Variants in PREX2 observed in about 807,000 individuals in gnomAD.
PREX2 encodes the protein phosphatidylinositol 3,4,5-trisphosphate-dependent Rac exchanger 2 protein.
PREX2 carries 107 observed loss-of-function variants against 203.2 expected under a neutral mutation model. The ratio of observed to expected loss-of-function variants is 0.53; its 90% CI spans 0.45 to 0.62. The LOEUF (loss-of-function observed/expected upper bound fraction) is 0.62, where lower values mean the gene tolerates loss of function less well. PREX2 is among the 20% of genes least tolerant of loss of function. PREX2 has a pLI of 0.00. For missense variants in PREX2, 1,777 were observed against 1,955.9 expected, an observed-to-expected ratio of 0.91 and a Z score of 1.72; for synonymous variants, 672 against 663.6, an observed-to-expected ratio of 1.01 and a Z score of -0.19.
intron 8 of PREX2, 79 bp downstream of exon 8, chr8:68,044,669 T>G (rs1808297299): frequency 1.0e-5 from 10 of 983,996 alleles, no homozygotes; most frequent in Non-Finnish European, 1.5e-5. Flanking sequence ...CTCACTTGGA[T>G]AATTCACCTG....
chr8:68,156,313 C>A (rs73263334), intron 34 of PREX2, among the ~76,000 whole-genome samples: 2,646 of 152,232 alleles, frequency 0.017, 86 homozygotes, highest in African/African-American at 0.061. Flanking sequence ...GATCCACCAG[C>A]CTTGGCTCTC....
rs892656899 is a variant in PREX2, at chr8:68,164,557, C to CT, written c.4346+7129dup. On this transcript the variant is annotated intron_variant, in intron 35 of 39. Coordinates refer to ENST00000288368, the MANE Select transcript of PREX2 (RefSeq NM_024870.4). Reference sequence around the variant, plus strand: ...CCAAGAAAAACAGCTGGTGATCTGGCTTTTTTTTCTTTCTTTTTTTCTTTT... The same window carrying CT: ...CCAAGAAAAACAGCTGGTGATCTGGCTTTTTTTTTCTTTCTTTTTTTCTTTT... Among the ~76,000 whole-genome samples, 9 of 148,434 alleles carry CT rather than the reference C, an allele frequency of 6.1e-5. No homozygotes were observed. The East Asian group carries it at 1.0e-3, about 17-fold the overall frequency.
chr8:68,105,031 T>C, intron 23 of PREX2: 1 of 804,964 alleles, frequency 1.2e-6, no homozygotes, highest in Non-Finnish European at 1.8e-6. Context: ...TCCTTTGATG[T>C]TGCTAAAAAG....
At chr8:68,114,250 T>A in intron 25 of PREX2, 1 of 482,006 alleles carries the variant, frequency 2.1e-6, no homozygotes, top group Non-Finnish European at 4.2e-6. Context: ...ACTTAATAGG[T>A]ATTTATTCAA....
intron 39 of PREX2, among the ~76,000 whole-genome samples, chr8:68,225,741 T>C (rs1269785862): frequency 6.6e-6 from 1 of 152,222 alleles, no homozygotes; most frequent in East Asian, 1.9e-4. Context: ...GAAGTTTTGT[T>C]AATGTCGTCT....
intron 4 of PREX2, among the ~76,000 whole-genome samples, chr8:68,022,387 CGA>C (rs1291048461): frequency 6.6e-6 from 1 of 152,050 alleles, no homozygotes; most frequent in Admixed American, 6.6e-5. Context: ...AGGTTCCTAG[CGA>C]GAGAGGAGCT....
chr8:68,000,074 C>G (rs533509514), intron 1 of PREX2, among the ~76,000 whole-genome samples: 1 of 152,258 alleles, frequency 6.6e-6, no homozygotes, highest in East Asian at 1.9e-4. Context: ...GATGCCCTCT[C>G]TCACCACTCC....
intron 27 of PREX2, among the ~76,000 whole-genome samples, 190 bp from the exon 28 acceptor site, chr8:68,119,242 T>G (rs1007852017): frequency 6.6e-6 from 1 of 152,246 alleles, no homozygotes; most frequent in African/African-American, 2.4e-5. Flanking sequence ...GCACTCCGCC[T>G]TCAGAAGAAA....
intron 30 of PREX2, among the ~76,000 whole-genome samples, chr8:68,122,498 T>C (rs899050052): frequency 3.3e-5 from 5 of 152,082 alleles, no homozygotes; most frequent in South Asian, 2.1e-4. Context: ...TTTAAGTATA[T>C]ACTTTACTGA....
intron 13 of PREX2, 76 bp downstream of exon 13, chr8:68,069,960 C>T (rs1809148424): frequency 2.6e-6 from 2 of 761,444 alleles, no homozygotes; most frequent in Non-Finnish European, 4.3e-6. Flanking sequence ...ATTATTCAGC[C>T]AGAACTTGTT....
intron 11 of PREX2, among the ~76,000 whole-genome samples, chr8:68,064,539 GTTTTT>G (rs71554620): frequency 6.7e-6 from 1 of 149,382 alleles, no homozygotes; most frequent in Non-Finnish European, 1.5e-5. Context: ...CAGCTAATTT[GTTTTT>G]TTTTTTTTTA....
intron 10 of PREX2, among the ~76,000 whole-genome samples, chr8:68,057,102 TG>T (rs1274505363): frequency 6.6e-6 from 1 of 152,058 alleles, no homozygotes; most frequent in African/African-American, 2.4e-5. Flanking sequence ...TGGGAAGTGA[TG>T]GGATCATGGG....
intron 37 of PREX2, among the ~76,000 whole-genome samples, chr8:68,212,267 C>G (rs932989056): frequency 6.6e-6 from 1 of 152,204 alleles, no homozygotes; most frequent in African/African-American, 2.4e-5. Flanking sequence ...TTCGCTAGTA[C>G]CATTCCACTT....
At chr8:68,214,911 A>C (rs1554585991) in intron 37 of PREX2, among the ~76,000 whole-genome samples, 1 of 152,176 alleles carries the variant, frequency 6.6e-6, no homozygotes, top group Non-Finnish European at 1.5e-5. Context: ...TTTCAAATTA[A>C]TTTTGATTCC....
At chr8:68,111,450 A>G (rs115934340) in intron 25 of PREX2, among the ~76,000 whole-genome samples, 4,321 of 152,120 alleles carry the variant, frequency 0.028, 200 homozygotes, top group African/African-American at 0.098. Flanking sequence ...AAATATGTAA[A>G]CCCAAGGAGC....
chr8:68,084,939 A>G (rs1205691169), intron 18 of PREX2, among the ~76,000 whole-genome samples: 1 of 152,178 alleles, frequency 6.6e-6, no homozygotes, highest in South Asian at 2.1e-4. Flanking sequence ...GAGGTCATCA[A>G]CTTCAAAACT....
intron 26 of PREX2, 55 bp downstream of exon 26, chr8:68,115,987 G>T: frequency 2.1e-6 from 3 of 1,438,246 alleles, no homozygotes; most frequent in East Asian, 4.8e-5. Context: ...TATGATGCTG[G>T]ATTTTCCACA....
intron 35 of PREX2, among the ~76,000 whole-genome samples, chr8:68,185,761 T>A (rs1585851357): frequency 8.1e-6 from 1 of 124,010 alleles, no homozygotes; most frequent in South Asian, 2.3e-4. Flanking sequence ...TTATTTTACA[T>A]GGCAGAGTTA....
In PREX2 at chr8:68,235,324, T is replaced by C. The variant is rs911282641; in HGVS notation, c.*3946T>C. 2 of 152,172 alleles carry C rather than the reference T, an allele frequency of 1.3e-5. No homozygotes were observed. The highest frequency in any genetic ancestry group is 2.9e-5 in the Non-Finnish European group (2 of 68,014). The allele number at this position is 152,172 out of a possible 1,614,324, so 9.4% of individuals were successfully genotyped here. On this transcript the variant is annotated 3_prime_UTR_variant, in exon 40 of 40. Coordinates refer to ENST00000288368, the MANE Select transcript of PREX2 (RefSeq NM_024870.4). ...CACTAGTGGTATTGAAACTAACCTT[T>C]AATATTTGACTAAATTGCTTGTGAA... is the stretch of plus-strand genomic sequence containing the variant.
Sources: gnomAD v4.1 joint callset for allele counts (sites outside exome capture counted in the v4.1 genomes callset) on GRCh38, gnomAD v4.1.1 for gene constraint, MANE v1.5 for transcripts, NCBI Gene and HGNC (gene_info 2026-07-23, HGNC 2026-07-21) for gene names.